VPS13B: variants seen among roughly 807,000 people sequenced by gnomAD.
VPS13B encodes the protein intermembrane lipid transfer protein VPS13B.
In VPS13B, 285 loss-of-function variants were observed where a neutral mutation model predicts 426.4. The ratio of observed to expected loss-of-function variants is 0.67; its 90% CI spans 0.61 to 0.74. The LOEUF is 0.74. Among genes scored for constraint, VPS13B ranks in the 30% least tolerant of loss-of-function variants. The probability of loss-of-function intolerance (pLI) is 0.00; values close to 1 mark genes in which losing one functional copy is unlikely to be tolerated. For missense variants in VPS13B, 4,537 were observed against 4,782.6 expected (o/e 0.95, Z 1.51); for synonymous variants, 1,676 against 1,676.4 (o/e 1.00, Z 0.01).
intron 19 of VPS13B, among the ~76,000 whole-genome samples, chr8:99,320,373 G>A (rs1809912671): frequency 6.6e-6 from 1 of 152,086 alleles, no homozygotes; most frequent in East Asian, 1.9e-4. Flanking sequence ...TTACACTAAT[G>A]TTTAAAATAC....
At chr8:99,702,946 T>C (rs1005879899) in intron 36 of VPS13B, among the ~76,000 whole-genome samples, 1 of 152,136 alleles carries the variant, frequency 6.6e-6, no homozygotes, top group Non-Finnish European at 1.5e-5. Flanking sequence ...GTTTTAGATA[T>C]GTTTCTTTGT....
chr8:99,799,372 A>G (rs1245211848), intron 43 of VPS13B, among the ~76,000 whole-genome samples: 1 of 152,204 alleles, frequency 6.6e-6, no homozygotes, highest in Non-Finnish European at 1.5e-5. Flanking sequence ...ACACTTGGGG[A>G]TAAAATGAGT....
At chr8:99,539,234 T>C (rs1254896579) in intron 30 of VPS13B, among the ~76,000 whole-genome samples, 1 of 152,134 alleles carries the variant, frequency 6.6e-6, no homozygotes, top group Non-Finnish European at 1.5e-5. Context: ...CTTTAAAAAA[T>C]AGGTACAATA....
intron 33 of VPS13B, among the ~76,000 whole-genome samples, chr8:99,638,851 AT>A (rs1276044396): frequency 1.3e-5 from 2 of 152,100 alleles, no homozygotes; most frequent in East Asian, 1.9e-4. Context: ...CTGCTGGGCA[AT>A]TTTTTCATTT....
chr8:99,199,408 T>A (rs988690370), intron 17 of VPS13B, among the ~76,000 whole-genome samples: 1 of 152,134 alleles, frequency 6.6e-6, no homozygotes, highest in Non-Finnish European at 1.5e-5. Flanking sequence ...CCTGACCTCG[T>A]GATCCGTCTG....
At chr8:99,821,025 C>T (rs1007871695) in intron 49 of VPS13B, among the ~76,000 whole-genome samples, 3 of 147,446 alleles carry the variant, frequency 2.0e-5, no homozygotes, top group East Asian at 2.0e-4. Context: ...CCCTCCCTTC[C>T]GTAAATACGA....
intron 39 of VPS13B, among the ~76,000 whole-genome samples, chr8:99,765,178 A>G (rs111674142): frequency 0.046 from 6,995 of 152,182 alleles, 173 homozygotes; most frequent in African/African-American, 0.061. Flanking sequence ...CCCAGGGGCC[A>G]AGGTTGCAGT....
rs371370357 is a variant in VPS13B at position 99,859,288 on chromosome 8, C to T, written c.10868-16C>T. ...ATTTGAGGTTTCAATCACCCCTTCC[C>T]TCTTGTGCGTTGCAGGCTGGGTAGT... is the stretch of plus-strand genomic sequence containing the variant. On this transcript the variant is annotated splice_polypyrimidine_tract_variant and intron_variant, in intron 56 of 61. Coordinates refer to ENST00000357162, the MANE Select transcript of VPS13B (RefSeq NM_152564.5). 1.2e-4 allele frequency: 189 copies of T among 1,613,014 alleles called. No individual in the cohort carries two copies. The highest frequency in any genetic ancestry group is 1.4e-4 in the Non-Finnish European group (171 of 1,179,910).
At chr8:99,437,354 T>C (rs934041215) in intron 22 of VPS13B, among the ~76,000 whole-genome samples, 1 of 152,036 alleles carries the variant, frequency 6.6e-6, no homozygotes, top group Admixed American at 6.5e-5. Context: ...TACTTAATTA[T>C]AATGGATTAT....
intron 21 of VPS13B, among the ~76,000 whole-genome samples, chr8:99,422,319 A>G (rs1329996811): frequency 6.6e-6 from 1 of 152,180 alleles, no homozygotes. Flanking sequence ...ATCAGAGAAC[A>G]TAGTATTTAC....
intron 33 of VPS13B, among the ~76,000 whole-genome samples, chr8:99,579,010 G>T (rs556949211): frequency 5.3e-5 from 8 of 152,108 alleles, no homozygotes; most frequent in African/African-American, 1.9e-4. Flanking sequence ...GCTTTAAAAA[G>T]GTATCTGTGG....
rs1201526416 is a variant in VPS13B, at chr8:99,642,256, G to A, written c.5666G>A (p.Gly1889Glu). 1 of 1,614,128 alleles carries A rather than the reference G, an allele frequency of 6.2e-7. No homozygotes were observed. Among genetic ancestry groups the A allele is most frequent in the South Asian group, 1.1e-5 (1 of 91,082 alleles). The change falls in exon 34 of 62, where the codon GGG (glycine) becomes GAG (glutamate). Residue 1889 changes from glycine to glutamate, a missense_variant. Physicochemically the swap from Gly to Glu is moderately conservative, Grantham distance 98 (BLOSUM62 -2). Transcript: ENST00000357162. Reference sequence around the variant, plus strand: ...TCTTTTCCTTCAGGGAAAAAAATAGGGGTCCTCTCTCTTGAAAGTCTTCAT... The same window carrying A: ...TCTTTTCCTTCAGGGAAAAAAATAGAGGTCCTCTCTCTTGAAAGTCTTCAT... ...SISFPSGKKI[G>E]VLSLESLHAS...
At chr8:99,104,000 G>A (rs1007403304) in intron 5 of VPS13B, among the ~76,000 whole-genome samples, 1 of 152,120 alleles carries the variant, frequency 6.6e-6, no homozygotes, top group African/African-American at 2.4e-5. Context: ...TGTTTCAAAT[G>A]TGATGTATAA....
intron 42 of VPS13B, among the ~76,000 whole-genome samples, chr8:99,782,037 G>A (rs935420007): frequency 2.0e-5 from 3 of 152,118 alleles, no homozygotes; most frequent in Admixed American, 2.0e-4. Context: ...GGATAGGACA[G>A]ACTAGAATAG....
At chr8:99,552,762 C>T (rs564299002) in intron 30 of VPS13B, among the ~76,000 whole-genome samples, 103 of 152,000 alleles carry the variant, frequency 6.8e-4, no homozygotes, top group Non-Finnish European at 1.3e-3. Flanking sequence ...CCCAGTTTCC[C>T]TCAATGGAAA....
chr8:99,790,475 C>T (rs1199563295), intron 43 of VPS13B, among the ~76,000 whole-genome samples: 1 of 151,948 alleles, frequency 6.6e-6, no homozygotes, highest in African/African-American at 2.4e-5. Context: ...TTGAGGGACC[C>T]AGAAAAGTAA....
chr8:99,324,851 TAC>T (rs1810159059), intron 19 of VPS13B, among the ~76,000 whole-genome samples: 1 of 152,200 alleles, frequency 6.6e-6, no homozygotes, highest in Non-Finnish European at 1.5e-5. Context: ...TACATCTAGT[TAC>T]AAAGATTATA....
intron 30 of VPS13B, among the ~76,000 whole-genome samples, chr8:99,534,153 T>G (rs970824880): frequency 2.6e-4 from 40 of 152,142 alleles, no homozygotes; most frequent in African/African-American, 9.7e-4. Context: ...CGGCAGAGTT[T>G]TAGTGCGTCA....
intron 17 of VPS13B, among the ~76,000 whole-genome samples, chr8:99,242,400 C>T (rs147375302): frequency 1.7e-4 from 26 of 152,256 alleles, no homozygotes; most frequent in Non-Finnish European, 3.7e-4. Context: ...AGACATTGCT[C>T]AACAAGAACT....
Sources: allele counts gnomAD v4.1 joint callset (sites outside exome capture counted in the v4.1 genomes callset), GRCh38; gene constraint gnomAD v4.1.1; transcripts MANE v1.5; gene names NCBI Gene and HGNC (gene_info 2026-07-23, HGNC 2026-07-21).